The following PCDHGA11 variants were observed in gnomAD, a reference collection of about 807,000 sequenced individuals.
The protein encoded by PCDHGA11 is protocadherin gamma-A11.
PCDHGA11 carries 39 observed loss-of-function variants against 60.4 expected under a neutral mutation model. The ratio of observed to expected loss-of-function variants is 0.65; its 90% CI spans 0.50 to 0.84. The LOEUF (loss-of-function observed/expected upper bound fraction) is 0.84, where lower values mean the gene tolerates loss of function less well. Among genes scored for constraint, PCDHGA11 ranks in the 40% least tolerant of loss-of-function variants. The pLI is 0.00. For synonymous variants in PCDHGA11, 533 were observed against 510.3 expected, an observed-to-expected ratio of 1.04 and a Z score of -0.60; for missense variants, 1,165 against 1,197.7, an observed-to-expected ratio of 0.97 and a Z score of 0.40.
Position 141,490,970 on chromosome 5 carries a change from A to G in PCDHGA11, c.2434-3837A>G. ...CCAGACTGGGAACACTCAGCCCCCC[A>G]GCGTCTCCCTCGCTCTGCTCCTCCT... On this transcript the variant is annotated intron_variant, in intron 1 of 3. Coordinates refer to ENST00000398587, the MANE Select transcript of PCDHGA11 (RefSeq NM_018914.3). This position sits in a 1 kb window ranked among gnomAD's most constrained non-coding sequence, Gnocchi z 5.4. 1 of 1,613,858 alleles carries G rather than the reference A, an allele frequency of 6.2e-7. No individual in the cohort carries two copies. Among genetic ancestry groups the G allele is most frequent in the South Asian group, 1.1e-5 (1 of 91,062 alleles).
intron 1 of PCDHGA11, among the ~76,000 whole-genome samples, chr5:141,442,633 C>A (rs1210890820): frequency 6.6e-6 from 1 of 152,158 alleles, no homozygotes; most frequent in Admixed American, 6.5e-5. Flanking sequence ...AGCAGCAAGA[C>A]CAAAGGCCTA....
At chr5:141,502,925 C>T (rs962871271) in intron 2 of PCDHGA11, among the ~76,000 whole-genome samples, 5 of 145,518 alleles carry the variant, frequency 3.4e-5, no homozygotes, top group Non-Finnish European at 5.9e-5. Flanking sequence ...GCAGTGGCAA[C>T]CTTCACCTCC....
chr5:141,466,581 T>C (rs1426600962), intron 1 of PCDHGA11, among the ~76,000 whole-genome samples: 2 of 152,198 alleles, frequency 1.3e-5, no homozygotes, highest in Non-Finnish European at 2.9e-5. Flanking sequence ...GTCTCATCCC[T>C]TCTTAAAACA....
chr5:141,431,790 C>T lies in PCDHGA11; in HGVS notation c.2433+8130C>T, dbSNP rs2097417829. On this transcript the variant is annotated intron_variant, in intron 1 of 3. Transcript: ENST00000398587. This position sits in a 1 kb window ranked among gnomAD's most constrained non-coding sequence, Gnocchi z 4.8. The stretch of plus-strand genomic sequence containing the variant: ...ACTGTTCTGGACGTGAACGACAATG[C>T]CCCAGAAGTGGTCCTCACCTCTCTC... 4.3e-6 allele frequency: 7 copies of T among 1,614,186 alleles called. No individual in the cohort carries two copies. The highest frequency in any genetic ancestry group is 5.9e-6 in the Non-Finnish European group (7 of 1,180,016).
In PCDHGA11 at chr5:141,502,866, C is replaced by CTTTTTTTTTT. The variant is rs549047197; in HGVS notation, c.2493-2522_2493-2513dup. On this transcript the variant is annotated intron_variant, in intron 2 of 3. Transcript: ENST00000398587. ...GAGCTGCCTAACCCTGACTCTCTGT[C>CTTTTTTTTTT]TTTTTTTTTTTTTTGACAGGGAGTC... 1.9e-3 allele frequency among the ~76,000 whole-genome samples: 240 copies of CTTTTTTTTTT among 127,966 alleles called. 11 individuals are homozygous for CTTTTTTTTTT. The highest frequency in any genetic ancestry group is 3.5e-3 in the Admixed American group (41 of 11,656). The allele number at this position is 127,966 out of a possible 152,430, so 84.0% of individuals were successfully genotyped here.
intron 3 of PCDHGA11, among the ~76,000 whole-genome samples, chr5:141,506,444 C>CA (rs1219684339): frequency 0.017 from 1,570 of 94,842 alleles, 20 homozygotes; most frequent in African/African-American, 0.048. Flanking sequence ...CGCTCTGTCT[C>CA]AAAAAAAAAA....
intron 1 of PCDHGA11, among the ~76,000 whole-genome samples, chr5:141,471,778 A>T (rs2099264151): frequency 6.6e-6 from 1 of 152,244 alleles, no homozygotes; most frequent in Non-Finnish European, 1.5e-5. Flanking sequence ...TGAGTTTGAC[A>T]TTATGCTATG....
intron 1 of PCDHGA11, chr5:141,433,227 T>C (rs1178649427): frequency 6.5e-6 from 10 of 1,528,034 alleles, no homozygotes; most frequent in Non-Finnish European, 8.9e-6. Context: ...TTTTAATTGC[T>C]CTGTCTCCCA....
intron 1 of PCDHGA11, among the ~76,000 whole-genome samples, chr5:141,455,095 A>G (rs910300076): frequency 2.6e-5 from 4 of 151,836 alleles, no homozygotes; most frequent in African/African-American, 9.7e-5. Flanking sequence ...TACAGGCTTG[A>G]GCCACTGCGC....
intron 1 of PCDHGA11, chr5:141,433,267 C>T (rs1462399366): frequency 7.7e-7 from 1 of 1,305,096 alleles, no homozygotes; most frequent in Non-Finnish European, 1.1e-6. Context: ...GATCATAGCT[C>T]ACTGCAGCCT....
chr5:141,479,324 C>G (rs2099492748), intron 1 of PCDHGA11: 1 of 152,556 alleles, frequency 6.6e-6, no homozygotes, highest in Admixed American at 6.5e-5. Context: ...TAGCCAGACT[C>G]AGTGGTGTGC....
In PCDHGA11 at chr5:141,427,737, G is replaced by C. The variant is rs1460682938; in HGVS notation, c.2433+4077G>C. 2.5e-6 allele frequency: 3 copies of C among 1,223,986 alleles called. No homozygotes were observed. The African/African-American group carries it at 4.4e-5, about 18-fold the overall frequency. 75.8% of individuals were successfully genotyped at this position (1,223,986 alleles called of 1,614,324 possible). A position where few individuals can be genotyped will look rare whatever the true frequency, so the allele number is the denominator to read the frequency against. On this transcript the variant is annotated intron_variant, in intron 1 of 3. Coordinates refer to ENST00000398587, the MANE Select transcript of PCDHGA11 (RefSeq NM_018914.3). The stretch of plus-strand genomic sequence containing the variant: ...CCTGGACCTAGGGCTGAATGGCCAA[G>C]TCTCCTACTCCATCGTTACCACTGA...
chr5:141,423,612 TGAAGAC>T lies in PCDHGA11; in HGVS notation c.2386_2391del (p.Glu796_Asp797del). ...AGAAAAGCGAGCCACTCTTGATAGC[TGAAGAC>T]TCAGCTATCATTTTAGGCAAATGTG... is the stretch of plus-strand genomic sequence containing the variant. On this transcript the variant is annotated inframe_deletion, in exon 1 of 4. Coordinates refer to ENST00000398587, the MANE Select transcript of PCDHGA11 (RefSeq NM_018914.3). The T allele has an allele frequency of 6.2e-7, 1 of 1,611,004 alleles. No homozygotes were observed. Among genetic ancestry groups the T allele is most frequent in the African/African-American group, 1.3e-5 (1 of 74,956 alleles).
Position 141,511,231 on chromosome 5 carries a change from C to T in PCDHGA11, c.*58C>T. On this transcript the variant is annotated 3_prime_UTR_variant, in exon 4 of 4. Coordinates refer to ENST00000398587, the MANE Select transcript of PCDHGA11 (RefSeq NM_018914.3). ...CTCTCCCCAACCAGCCCAGCTTCTC[C>T]TTACCTGCACCCAGGCCTCAGAGTT... 2 of 1,595,900 alleles carry T rather than the reference C, an allele frequency of 1.3e-6. No individual in the cohort carries two copies. The highest frequency in any genetic ancestry group is 2.2e-5 in the South Asian group (2 of 88,992).
rs2096656228 is a variant in PCDHGA11 at position 141,422,560 on chromosome 5, G to T, written c.1333G>T (p.Asp445Tyr). 1 of 1,614,032 alleles carries T rather than the reference G, an allele frequency of 6.2e-7. No individual in the cohort carries two copies. The highest frequency in any genetic ancestry group is 2.2e-5 in the East Asian group (1 of 44,878). ...AACTCATGTCTGGCTGAATGTGGCA[G>T]ATGACAACGATAACCCTCCCGTTTT... Reference protein sequence around the residue: ...AETHVWLNVADDNDNPPVFPH... With the variant: ...AETHVWLNVAYDNDNPPVFPH... Residue 445 changes from aspartate to tyrosine, a missense_variant, in exon 1 of 4, where the codon GAT becomes TAT. Transcript: ENST00000398587.
intron 2 of PCDHGA11, among the ~76,000 whole-genome samples, chr5:141,501,032 C>A (rs1370625012): frequency 6.6e-6 from 1 of 151,976 alleles, no homozygotes; most frequent in Non-Finnish European, 1.5e-5. Context: ...CCACGCCCAG[C>A]TAATTTTTGT....
At position 141,487,570 on chromosome 5, in the gene PCDHGA11, T is replaced by A; in HGVS notation, c.2434-7237T>A. 6.2e-7 allele frequency: 1 copy of A among 1,614,178 alleles called. No homozygotes were observed. On this transcript the variant is annotated intron_variant, in intron 1 of 3. Transcript: ENST00000398587. The surrounding 1 kb of genome is among the most constrained non-coding windows in gnomAD (Gnocchi z 5.0). ...CCAGTGCACCTATGGCAGGGGAGCCTGTTCGCCCAAGCTGCCCACCCTCTG... is the reference window on the plus strand; with the variant it reads ...CCAGTGCACCTATGGCAGGGGAGCCAGTTCGCCCAAGCTGCCCACCCTCTG...
intron 1 of PCDHGA11, chr5:141,478,024 C>T: frequency 2.5e-6 from 4 of 1,614,188 alleles, no homozygotes; most frequent in Non-Finnish European, 3.4e-6. Context: ...CAGTCCAAGA[C>T]ACAGATTCAC....
intron 3 of PCDHGA11, among the ~76,000 whole-genome samples, chr5:141,506,190 C>T (rs1313145580): frequency 6.6e-6 from 1 of 152,180 alleles, no homozygotes; most frequent in Non-Finnish European, 1.5e-5. Flanking sequence ...GTGGCTCACG[C>T]CTGTAATCCC....
Sources: allele counts gnomAD v4.1 joint callset (sites outside exome capture counted in the v4.1 genomes callset), GRCh38; gene constraint gnomAD v4.1.1; non-coding constraint Gnocchi (gnomAD v3.1); transcripts MANE v1.5; gene names NCBI Gene and HGNC (gene_info 2026-07-23, HGNC 2026-07-21).